ERBB4: variants seen among roughly 807,000 people sequenced by gnomAD.
ERBB4 encodes the protein erb-b2 receptor tyrosine kinase 4.
In ERBB4, 42 loss-of-function variants were observed where a neutral mutation model predicts 158.0. The observed-to-expected ratio is 0.27, with a 90% CI of 0.21 to 0.34. The LOEUF is 0.34. Ranked by LOEUF, ERBB4 falls within the 10% of genes least tolerant of loss-of-function variation. The pLI, the probability that ERBB4 is intolerant of heterozygous loss-of-function variation, is 1.00. For synonymous variants in ERBB4, 583 were observed against 558.7 expected, an observed-to-expected ratio of 1.04 and a Z score of -0.61; for missense variants, 1,333 against 1,624.1, an observed-to-expected ratio of 0.82 and a Z score of 3.08.
chr2:211,728,781 T>C lies in ERBB4; in HGVS notation c.623-3587A>G, dbSNP rs76142437. Among the ~76,000 whole-genome samples, 122 of 151,976 alleles carry C rather than the reference T, an allele frequency of 8.0e-4. 2 individuals carry two copies. The East Asian group carries it at 0.011, about 14-fold the overall frequency. On this transcript the variant is annotated intron_variant, in intron 5 of 27. Coordinates refer to ENST00000342788, the MANE Select transcript of ERBB4 (RefSeq NM_005235.3). The stretch of plus-strand genomic sequence containing the variant: ...AATCATAGACAGATATGTCTAAGTG[T>C]TACTTTTTATTTTTAACTCCATGGT...
chr2:211,524,053 C>T (rs1374483344), intron 20 of ERBB4, among the ~76,000 whole-genome samples: 1 of 152,074 alleles, frequency 6.6e-6, no homozygotes, highest in South Asian at 2.1e-4. Context: ...ACTCACAAAC[C>T]CTGAGCTAGA....
intron 11 of ERBB4, 135 bp from the exon 12 acceptor site, chr2:211,702,301 T>C (rs759486339): frequency 8.5e-5 from 66 of 772,002 alleles, no homozygotes; most frequent in Non-Finnish European, 7.9e-5. Context: ...GTTTAGAATA[T>C]TGTTTTTACA....
At chr2:211,746,310 A>G (rs1160801811) in intron 5 of ERBB4, among the ~76,000 whole-genome samples, 1 of 152,188 alleles carries the variant, frequency 6.6e-6, no homozygotes, top group Non-Finnish European at 1.5e-5. Context: ...TAAAATTTGT[A>G]CTTGCTTATT....
intron 3 of ERBB4, among the ~76,000 whole-genome samples, chr2:211,899,515 CAAAGT>C (rs965608550): frequency 9.2e-5 from 14 of 152,032 alleles, no homozygotes; most frequent in African/African-American, 3.4e-4. Flanking sequence ...AAACCAATCA[CAAAGT>C]AATTTATTAA....
chr2:211,392,389 A>C lies in ERBB4; in HGVS notation c.3136-4397T>G, dbSNP rs189035492. Among the ~76,000 whole-genome samples the C allele has an allele frequency of 2.0e-5, 3 of 152,278 alleles. No homozygotes were observed. In the East Asian group the frequency reaches 5.8e-4, roughly 29 times the overall value. On this transcript the variant is annotated intron_variant, in intron 25 of 27. Coordinates refer to ENST00000342788, the MANE Select transcript of ERBB4 (RefSeq NM_005235.3). Reference sequence around the variant, plus strand: ...GAATGTGTCCATATGTGCCAAACCCAATAATGGCTGGGAAAAGCCTACTGA... The same window carrying C: ...GAATGTGTCCATATGTGCCAAACCCCATAATGGCTGGGAAAAGCCTACTGA...
chr2:212,373,805 A>G (rs2090177321), intron 1 of ERBB4, among the ~76,000 whole-genome samples: 1 of 130,304 alleles, frequency 7.7e-6, no homozygotes. Flanking sequence ...ATATCCATAT[A>G]TATATCCATG....
In ERBB4 at chr2:211,672,197, A is replaced by C. The variant is rs114014827; in HGVS notation, c.1716+967T>G. On this transcript the variant is annotated intron_variant, in intron 14 of 27. Coordinates refer to ENST00000342788, the MANE Select transcript of ERBB4 (RefSeq NM_005235.3). The stretch of plus-strand genomic sequence containing the variant: ...AGTGCTGAATAAGCATTCTGGTATA[A>C]AAATTAATACTATTTAAATTTTCAA... 5.4e-3 allele frequency among the ~76,000 whole-genome samples: 821 copies of C among 152,274 alleles called. 6 individuals carry two copies. The highest frequency in any genetic ancestry group is 0.01 in the Non-Finnish European group (687 of 68,010).
chr2:211,630,313 A>C, intron 17 of ERBB4, 149 bp downstream of exon 17: 1 of 913,404 alleles, frequency 1.1e-6, no homozygotes, highest in Non-Finnish European at 1.7e-6. Context: ...CTGATTTTTC[A>C]CAAGCTTTGT....
At chr2:212,366,428 C>T (rs536249546) in intron 1 of ERBB4, among the ~76,000 whole-genome samples, 1 of 151,866 alleles carries the variant, frequency 6.6e-6, no homozygotes, top group African/African-American at 2.4e-5. Flanking sequence ...TAATCAGCTC[C>T]ATGTTACAAA....
chr2:212,069,068 A>T (rs1157550081), intron 2 of ERBB4, among the ~76,000 whole-genome samples: 2 of 151,990 alleles, frequency 1.3e-5, no homozygotes, highest in African/African-American at 4.8e-5. Context: ...GCCAGGTGAA[A>T]CTGTGAGTCC....
At chr2:211,433,207 G>T (rs546093139) in intron 20 of ERBB4, among the ~76,000 whole-genome samples, 4 of 152,324 alleles carry the variant, frequency 2.6e-5, no homozygotes, top group Middle Eastern at 6.8e-3. Context: ...TCCAAGAAGG[G>T]TCCCTTATAT....
At chr2:212,213,041 T>A (rs1030072604) in intron 1 of ERBB4, among the ~76,000 whole-genome samples, 16 of 152,004 alleles carry the variant, frequency 1.1e-4, no homozygotes, top group African/African-American at 3.6e-4. Context: ...CCAAAAGCAA[T>A]TGCAACGAAA....
chr2:212,527,800 C>T (rs1692530098), intron 1 of ERBB4, among the ~76,000 whole-genome samples: 1 of 151,042 alleles, frequency 6.6e-6, no homozygotes, highest in Non-Finnish European at 1.5e-5. Context: ...GTGTGCTGCA[C>T]CATTAACTTG....
At chr2:212,028,138 C>T (rs1009176104) in intron 2 of ERBB4, among the ~76,000 whole-genome samples, 2 of 151,954 alleles carry the variant, frequency 1.3e-5, no homozygotes, top group Middle Eastern at 3.4e-3. Flanking sequence ...GATTTTTTTT[C>T]AGGCTTCAAG....
chr2:211,877,351 C>T (rs2078531472), intron 3 of ERBB4, among the ~76,000 whole-genome samples: 1 of 151,876 alleles, frequency 6.6e-6, no homozygotes, highest in Non-Finnish European at 1.5e-5. Context: ...CCAGATTATG[C>T]TTTTTTTACT....
intron 1 of ERBB4, among the ~76,000 whole-genome samples, chr2:212,197,775 G>C (rs370853977): frequency 3.9e-5 from 6 of 151,950 alleles, no homozygotes; most frequent in African/African-American, 1.4e-4. Flanking sequence ...ATTTTTGAAG[G>C]GTCTATGAAA....
intron 25 of ERBB4, among the ~76,000 whole-genome samples, chr2:211,413,970 C>T (rs1333231605): frequency 1.3e-5 from 2 of 151,760 alleles, no homozygotes; most frequent in Non-Finnish European, 2.9e-5. Context: ...CTGGTGGTTC[C>T]ACCCCATTCC....
intron 3 of ERBB4, among the ~76,000 whole-genome samples, chr2:211,887,050 T>C (rs2078820769): frequency 6.6e-6 from 1 of 152,216 alleles, no homozygotes; most frequent in Non-Finnish European, 1.5e-5. Context: ...TTGGACTTTT[T>C]TTCTTATTGT....
chr2:212,130,082 A>T (rs2080066020), intron 1 of ERBB4, among the ~76,000 whole-genome samples: 1 of 152,112 alleles, frequency 6.6e-6, no homozygotes, highest in South Asian at 2.1e-4. Flanking sequence ...TAAACCATCA[A>T]GTTTCATTGA....
Sources: allele counts gnomAD v4.1 joint callset (sites outside exome capture counted in the v4.1 genomes callset), GRCh38; gene constraint gnomAD v4.1.1; transcripts MANE v1.5; gene names NCBI Gene and HGNC (gene_info 2026-07-23, HGNC 2026-07-21).